CNTNAP2: variants seen among roughly 807,000 people sequenced by gnomAD.
CNTNAP2 encodes contactin associated protein 2, also known as contactin-associated protein-like 2.
Under a neutral mutation model 155.2 loss-of-function variants are expected in CNTNAP2, and 98 were observed. The ratio of observed to expected loss-of-function variants is 0.63; its 90% CI spans 0.54 to 0.75. The LOEUF (loss-of-function observed/expected upper bound fraction) is 0.75. CNTNAP2 is among the 30% of genes least tolerant of loss of function. CNTNAP2 has a pLI of 0.00. For missense variants in CNTNAP2, 1,727 were observed against 1,688.1 expected (o/e 1.02, Z -0.40); for synonymous variants, 651 against 631.2 (o/e 1.03, Z -0.47).
intron 15 of CNTNAP2, among the ~76,000 whole-genome samples, chr7:148,073,859 G>A (rs969984305): frequency 6.6e-6 from 1 of 151,888 alleles, no homozygotes; most frequent in Non-Finnish European, 1.5e-5. Context: ...GTATTCACAA[G>A]ATTTGAAACC....
At chr7:148,122,064 C>G (rs1249298198) in intron 16 of CNTNAP2, among the ~76,000 whole-genome samples, 3 of 152,148 alleles carry the variant, frequency 2.0e-5, no homozygotes, top group African/African-American at 7.2e-5. Flanking sequence ...ACTTTCAGGC[C>G]TCGTTCCAGG....
At chr7:147,702,254 A>G (rs1038858118) in intron 13 of CNTNAP2, among the ~76,000 whole-genome samples, 1 of 152,014 alleles carries the variant, frequency 6.6e-6, no homozygotes, top group Non-Finnish European at 1.5e-5. Flanking sequence ...AATTTGCAGC[A>G]GCAATTGTAT....
chr7:146,936,043 T>A lies in CNTNAP2; in HGVS notation c.402+96139T>A, dbSNP rs114257797. Reference sequence around the variant, plus strand: ...CAGAAATGACAAGAGCTGAAAGAACTATGCAACCATGGGAAAACCGTAATC... The same window carrying A: ...CAGAAATGACAAGAGCTGAAAGAACAATGCAACCATGGGAAAACCGTAATC... On this transcript the variant is annotated intron_variant, in intron 3 of 23. Coordinates refer to ENST00000361727, the MANE Select transcript of CNTNAP2 (RefSeq NM_014141.6). Among the ~76,000 whole-genome samples, 591 of 152,242 alleles carry A rather than the reference T, an allele frequency of 3.9e-3. 2 individuals carry two copies. Among genetic ancestry groups the A allele is most frequent in the African/African-American group, 0.014 (568 of 41,550 alleles).
At chr7:148,290,691 C>A (rs1355464388) in intron 21 of CNTNAP2, among the ~76,000 whole-genome samples, 1 of 152,142 alleles carries the variant, frequency 6.6e-6, no homozygotes, top group Admixed American at 6.5e-5. Flanking sequence ...GGTAGTTGTT[C>A]ATTCCCTGTC....
intron 13 of CNTNAP2, among the ~76,000 whole-genome samples, chr7:147,865,321 C>T (rs990747789): frequency 3.9e-5 from 6 of 152,096 alleles, no homozygotes; most frequent in Non-Finnish European, 7.4e-5. Flanking sequence ...CTGCTGGATT[C>T]GGTTTGCCAG....
intron 1 of CNTNAP2, among the ~76,000 whole-genome samples, chr7:146,308,640 A>G (rs1263389797): frequency 2.0e-5 from 3 of 152,154 alleles, no homozygotes; most frequent in African/African-American, 4.8e-5. Context: ...ATGGAATACT[A>G]TTCAGCTGTA....
At chr7:147,056,542 T>A (rs1410571887) in intron 4 of CNTNAP2, among the ~76,000 whole-genome samples, 1 of 152,196 alleles carries the variant, frequency 6.6e-6, no homozygotes, top group African/African-American at 2.4e-5. Flanking sequence ...GTCATTAATC[T>A]CTACTCCAAA....
At chr7:146,905,800 A>C (rs1440805928) in intron 3 of CNTNAP2, among the ~76,000 whole-genome samples, 1 of 152,222 alleles carries the variant, frequency 6.6e-6, no homozygotes, top group Admixed American at 6.5e-5. Flanking sequence ...AGGAGCCAAG[A>C]TGGCCGAATA....
At chr7:146,309,939 T>G (rs1800790994) in intron 1 of CNTNAP2, among the ~76,000 whole-genome samples, 1 of 152,140 alleles carries the variant, frequency 6.6e-6, no homozygotes, top group Non-Finnish European at 1.5e-5. Context: ...CAATTTGAAC[T>G]AAATACAAAT....
rs112944529 is a variant in CNTNAP2 at position 147,316,579 on chromosome 7, C to T, written c.1498+16289C>T. 7.9e-3 allele frequency among the ~76,000 whole-genome samples: 1,203 copies of T among 152,232 alleles called. 19 individuals are homozygous for T. Among genetic ancestry groups the T allele is most frequent in the African/African-American group, 0.027 (1,141 of 41,548 alleles). On this transcript the variant is annotated intron_variant, in intron 9 of 23. Coordinates refer to ENST00000361727, the MANE Select transcript of CNTNAP2 (RefSeq NM_014141.6). ...ATACAATAAGGTTAGCCCTCAATCA[C>T]TTATTAAAATCAATTTATTAAGATT...
intron 13 of CNTNAP2, among the ~76,000 whole-genome samples, chr7:147,652,055 G>A (rs865974726): frequency 3.3e-5 from 5 of 152,148 alleles, no homozygotes; most frequent in African/African-American, 1.2e-4. Context: ...CCTTACAGAA[G>A]CACCTATGAA....
rs186271942 is a variant in CNTNAP2, at chr7:147,070,161, T to G, written c.550+26107T>G. 3.4e-3 allele frequency among the ~76,000 whole-genome samples: 511 copies of G among 152,320 alleles called. 2 individuals carry two copies. The highest frequency in any genetic ancestry group is 0.012 in the African/African-American group (491 of 41,574). ...TACTATGCTTTTTACATATTGCAAT[T>G]TTATGTGCTTTGTTTTCACTTTAAA... is the stretch of plus-strand genomic sequence containing the variant. On this transcript the variant is annotated intron_variant, in intron 4 of 23. Transcript: ENST00000361727.
chr7:148,032,023 C>T (rs1322672292), intron 15 of CNTNAP2, among the ~76,000 whole-genome samples: 1 of 152,186 alleles, frequency 6.6e-6, no homozygotes, highest in African/African-American at 2.4e-5. Flanking sequence ...TCCCATCTGT[C>T]TGCCCTGACT....
chr7:147,981,787 G>GTA (rs1801534396), intron 15 of CNTNAP2, among the ~76,000 whole-genome samples: 4 of 37,688 alleles, frequency 1.1e-4, no homozygotes, highest in African/African-American at 6.0e-4. Context: ...GTCCTTACAG[G>GTA]TGTGTGTGTG....
intron 14 of CNTNAP2, among the ~76,000 whole-genome samples, chr7:147,936,571 C>T (rs1287946260): frequency 6.6e-6 from 1 of 152,154 alleles, no homozygotes; most frequent in African/African-American, 2.4e-5. Context: ...CTTCATTCAA[C>T]TATGAAATGA....
chr7:147,372,224 TAAAG>T (rs1259489398), intron 9 of CNTNAP2, among the ~76,000 whole-genome samples: 1 of 152,126 alleles, frequency 6.6e-6, no homozygotes, highest in Non-Finnish European at 1.5e-5. Context: ...TCCTGAAAGA[TAAAG>T]AAATCCAGTT....
At chr7:147,674,385 A>T (rs1795835814) in intron 13 of CNTNAP2, among the ~76,000 whole-genome samples, 1 of 152,192 alleles carries the variant, frequency 6.6e-6, no homozygotes. Context: ...TTTACAAACC[A>T]CTTCATTTGC....
intron 9 of CNTNAP2, among the ~76,000 whole-genome samples, chr7:147,364,987 AC>A (rs1381013466): frequency 6.6e-6 from 1 of 152,204 alleles, no homozygotes; most frequent in Non-Finnish European, 1.5e-5. Context: ...AACCCTTATA[AC>A]CAAGAGCCAA....
intron 18 of CNTNAP2, among the ~76,000 whole-genome samples, chr7:148,188,569 A>G (rs1285842504): frequency 6.6e-6 from 1 of 152,178 alleles, no homozygotes; most frequent in Admixed American, 6.5e-5. Flanking sequence ...AAGAGAGGAA[A>G]CTGTCTTTCT....
Sources: gnomAD v4.1 joint callset for allele counts (sites outside exome capture counted in the v4.1 genomes callset) on GRCh38, gnomAD v4.1.1 for gene constraint, MANE v1.5 for transcripts, NCBI Gene and HGNC (gene_info 2026-07-23, HGNC 2026-07-21) for gene names.